Variants in SLC33A2 observed in about 807,000 individuals in gnomAD.
The protein encoded by SLC33A2 is solute carrier family 33 member 2.
At chr8:144,510,590 C>G in the SLC33A2 span, 4 of 1,588,036 alleles carry the variant, frequency 2.5e-6, no homozygotes, top group Admixed American at 5.1e-5. Context: ...TTCCCACCCC[C>G]ATCCCAGGAA....
chr8:144,510,655 T>A, the SLC33A2 span: 214 of 1,560,062 alleles, frequency 1.4e-4, 4 homozygotes, highest in East Asian at 4.8e-3. Context: ...GCCTAGCCTG[T>A]CAGACTGCCT....
the SLC33A2 span, chr8:144,509,996 T>C: frequency 7.5e-6 from 12 of 1,595,922 alleles, no homozygotes; most frequent in Non-Finnish European, 8.5e-6. Context: ...CGGCAGGCTT[T>C]GTGCTCACCT....
At chr8:144,510,394 C>T in the SLC33A2 span, 6 of 1,612,104 alleles carry the variant, frequency 3.7e-6, no homozygotes, top group African/African-American at 2.7e-5. Context: ...TTCCTCTTCT[C>T]CTGCTGGACC....
At chr8:144,509,610 G>A in the SLC33A2 span, 2 of 1,553,790 alleles carry the variant, frequency 1.3e-6, no homozygotes, top group Non-Finnish European at 1.7e-6. Context: ...TCCTGGAGCT[G>A]GCCAGGCCGG....
At chr8:144,510,660 C>T in the SLC33A2 span, 5 of 1,557,728 alleles carry the variant, frequency 3.2e-6, no homozygotes, top group Admixed American at 3.7e-5. Context: ...GCCTGTCAGA[C>T]TGCCTTGGTC....
the SLC33A2 span, chr8:144,511,110 CCT>C: frequency 1.2e-6 from 2 of 1,610,428 alleles, no homozygotes; most frequent in Non-Finnish European, 1.7e-6. Context: ...TCCTGCTCAT[CCT>C]CTCTGCCTTT....
the SLC33A2 span, chr8:144,509,390 C>T: frequency 4.6e-6 from 7 of 1,524,740 alleles, no homozygotes; most frequent in Admixed American, 4.0e-5. Context: ...GCCTGCCCTA[C>T]GGGCTCCAGT....
the SLC33A2 span, chr8:144,509,834 T>C: frequency 1.3e-6 from 2 of 1,538,228 alleles, no homozygotes; most frequent in South Asian, 1.2e-5. Context: ...CGCAACTCTT[T>C]CTGCTCCTGG....
the SLC33A2 span, chr8:144,509,671 C>A: frequency 6.4e-7 from 1 of 1,555,778 alleles, no homozygotes; most frequent in Non-Finnish European, 8.7e-7. Flanking sequence ...CTGGGTGCCG[C>A]CATGCAGGAT....
the SLC33A2 span, chr8:144,509,778 C>T: frequency 6.4e-7 from 1 of 1,555,988 alleles, no homozygotes; most frequent in Non-Finnish European, 8.6e-7. Flanking sequence ...GGGGGCCGCG[C>T]TAGCTGGGGG....
At chr8:144,510,053 C>A in the SLC33A2 span, 19 of 1,569,728 alleles carry the variant, frequency 1.2e-5, no homozygotes, top group Non-Finnish European at 1.6e-5. Context: ...GCAGTTGGGG[C>A]TTCCGGGACA....
At chr8:144,510,904 G>T in the SLC33A2 span, 1 of 1,604,240 alleles carries the variant, frequency 6.2e-7, no homozygotes, top group Non-Finnish European at 8.5e-7. Flanking sequence ...GGCCCTGCAG[G>T]TGAGTAGATG....
At chr8:144,510,257 G>A in the SLC33A2 span, 18 of 1,530,464 alleles carry the variant, frequency 1.2e-5, no homozygotes, top group Middle Eastern at 2.4e-4. Flanking sequence ...TGCAGCTCTG[G>A]AACACTGAGG....
chr8:144,511,204 G>C, the SLC33A2 span: 3 of 1,592,442 alleles, frequency 1.9e-6, no homozygotes, highest in Middle Eastern at 5.0e-4. Flanking sequence ...ACATGTGCCT[G>C]TGGCCCAGAT....
the SLC33A2 span, chr8:144,509,608 C>G: frequency 2.6e-6 from 4 of 1,551,552 alleles, no homozygotes; most frequent in Admixed American, 1.9e-5. Flanking sequence ...CCTCCTGGAG[C>G]TGGCCAGGCC....
chr8:144,509,736 G>A, the SLC33A2 span: 5 of 1,568,688 alleles, frequency 3.2e-6, no homozygotes, highest in Non-Finnish European at 2.6e-6. Flanking sequence ...ACTGGGGCCG[G>A]GCAATACCGT....
the SLC33A2 span, chr8:144,511,085 A>C: frequency 6.2e-7 from 1 of 1,609,218 alleles, no homozygotes; most frequent in Non-Finnish European, 8.5e-7. Context: ...TTGGGGCCAC[A>C]TCCCTGCTTC....
the SLC33A2 span, chr8:144,509,457 C>T: frequency 4.6e-6 from 7 of 1,535,460 alleles, no homozygotes; most frequent in Admixed American, 2.0e-5. Context: ...GCGCGTGGGG[C>T]TGGCCAAGGT....
the SLC33A2 span, chr8:144,509,570 G>GGT: frequency 6.6e-7 from 1 of 1,525,988 alleles, no homozygotes; most frequent in Non-Finnish European, 8.7e-7. Context: ...GCCTGGGCCT[G>GGT]GTGTGTGGGC....
Sources: gnomAD v4.1 joint callset for allele counts on GRCh38, gnomAD v4.1.1 for gene constraint, MANE v1.5 for transcripts, NCBI Gene and HGNC (gene_info 2026-07-23, HGNC 2026-07-21) for gene names.